TACR3: variants seen among roughly 807,000 people sequenced by gnomAD.
TACR3 encodes neuromedin-K receptor.
TACR3 carries 34 observed loss-of-function variants against 35.0 expected under a neutral mutation model. The ratio of observed to expected loss-of-function variants is 0.97; its 90% CI spans 0.74 to 1.30. The LOEUF is 1.30. TACR3 is among the 50% of genes most tolerant of loss of function. The pLI is 0.00. For synonymous variants in TACR3, 233 were observed against 221.1 expected (o/e 1.05, Z -0.48); for missense variants, 558 against 591.7 (o/e 0.94, Z 0.59).
chr4:103,632,985 TA>T (rs1317186507), intron 3 of TACR3, among the ~76,000 whole-genome samples: 3 of 151,770 alleles, frequency 2.0e-5, no homozygotes, highest in South Asian at 2.1e-4. Context: ...GTACATATTG[TA>T]AAAAAAAGAT....
intron 3 of TACR3, among the ~76,000 whole-genome samples, chr4:103,641,959 T>C (rs1328006324): frequency 6.6e-6 from 1 of 151,894 alleles, no homozygotes; most frequent in East Asian, 1.9e-4. Context: ...GAATGGTGGT[T>C]ACCAGAGGTG....
intron 3 of TACR3, among the ~76,000 whole-genome samples, chr4:103,631,273 C>G (rs143730886): frequency 6.4e-4 from 97 of 152,040 alleles, no homozygotes; most frequent in Middle Eastern, 6.8e-3. Context: ...ACATGTATAC[C>G]TGTGTATCAA....
At chr4:103,642,478 A>C (rs1304350804) in intron 3 of TACR3, among the ~76,000 whole-genome samples, 1 of 151,856 alleles carries the variant, frequency 6.6e-6, no homozygotes, top group East Asian at 1.9e-4. Flanking sequence ...TTCAGCCATT[A>C]AAAAAGAATG....
chr4:103,704,959 G>A (rs2110226442), intron 1 of TACR3, among the ~76,000 whole-genome samples: 1 of 152,250 alleles, frequency 6.6e-6, no homozygotes, highest in South Asian at 2.1e-4. Flanking sequence ...ATTCAAATAT[G>A]TAATTTTTTA....
At chr4:103,686,169 C>A in intron 1 of TACR3, among the ~76,000 whole-genome samples, 1 of 152,152 alleles carries the variant, frequency 6.6e-6, no homozygotes, top group East Asian at 1.9e-4. Flanking sequence ...AAGGCTGATG[C>A]ATGCACAGGG....
intron 3 of TACR3, among the ~76,000 whole-genome samples, chr4:103,599,411 T>C (rs1030875913): frequency 2.4e-4 from 36 of 152,202 alleles, no homozygotes; most frequent in African/African-American, 7.2e-4. Flanking sequence ...CAGAGACAAT[T>C]TGACTTCCTC....
At chr4:103,592,139 T>C (rs186230895) in intron 3 of TACR3, among the ~76,000 whole-genome samples, 98 of 152,302 alleles carry the variant, frequency 6.4e-4, no homozygotes, top group South Asian at 4.8e-3. Context: ...TTCTATAGCC[T>C]GACTATAGCT....
intron 4 of TACR3, 61 bp downstream of exon 4, chr4:103,591,426 T>G: frequency 6.3e-7 from 1 of 1,583,404 alleles, no homozygotes; most frequent in South Asian, 1.1e-5. Flanking sequence ...GGAACAACAT[T>G]GTATGTTTCC....
intron 3 of TACR3, among the ~76,000 whole-genome samples, chr4:103,622,827 C>T (rs1047080731): frequency 6.6e-6 from 1 of 152,116 alleles, no homozygotes; most frequent in Non-Finnish European, 1.5e-5. Flanking sequence ...AGTTATGGAG[C>T]TCAGTAGCAA....
Position 103,589,783 on chromosome 4 carries a change from C to T in TACR3, c.1297G>A (p.Asp433Asn), listed in dbSNP as rs1723852720. ...CGAGAGCAGCCATTGAAACTTGGGT[C>T]TCTTGGCGTTGCTCTTTTCTTCCGA... ...SSRKKRATPR[D>N]PSFNGCSRRN... is the part of the protein sequence containing the mutation. The change falls in exon 5 of 5, where the codon GAC (aspartate) becomes AAC (asparagine). Residue 433 changes from aspartate (D) to asparagine (N), a missense_variant. By Grantham distance (23) the Asp-to-Asn change is conservative (BLOSUM62 1). Transcript: ENST00000304883. 6.2e-7 allele frequency: 1 copy of T among 1,613,956 alleles called. No homozygotes were observed. The highest frequency in any genetic ancestry group is 1.7e-4 in the Middle Eastern group (1 of 6,060).
rs566622169 is a variant in TACR3, at chr4:103,637,159, C to G, written c.888+19035G>C. 2.6e-5 allele frequency among the ~76,000 whole-genome samples: 4 copies of G among 152,158 alleles called. No homozygotes were observed. The South Asian group carries it at 8.3e-4, about 32-fold the overall frequency. ...AAAAAAGAGAATTTTAGACCAATAT[C>G]CTTGATGAACATCGATGCAAAAATC... On this transcript the variant is annotated intron_variant, in intron 3 of 4. Transcript: ENST00000304883.
chr4:103,682,227 G>C (rs962939290), intron 1 of TACR3, among the ~76,000 whole-genome samples: 30 of 152,206 alleles, frequency 2.0e-4, no homozygotes, highest in African/African-American at 7.2e-4. Context: ...AAACTCCTAG[G>C]CTCAAGTGAT....
intron 3 of TACR3, among the ~76,000 whole-genome samples, chr4:103,645,187 G>A (rs1725432721): frequency 6.6e-6 from 1 of 151,878 alleles, no homozygotes; most frequent in Non-Finnish European, 1.5e-5. Flanking sequence ...ATGTGAAAAT[G>A]TGTACATATT....
intron 2 of TACR3, among the ~76,000 whole-genome samples, chr4:103,656,715 T>C (rs770856526): frequency 9.2e-5 from 14 of 151,952 alleles, no homozygotes; most frequent in Non-Finnish European, 4.4e-5. Flanking sequence ...AGGGAAGGGA[T>C]AGAATAAATG....
At chr4:103,598,856 G>C (rs1418821000) in intron 3 of TACR3, among the ~76,000 whole-genome samples, 1 of 152,184 alleles carries the variant, frequency 6.6e-6, no homozygotes, top group Non-Finnish European at 1.5e-5. Context: ...GGTTACTGTA[G>C]CCTTGTAGTA....
chr4:103,642,061 A>G (rs1725367847), intron 3 of TACR3, among the ~76,000 whole-genome samples: 1 of 151,906 alleles, frequency 6.6e-6, no homozygotes, highest in South Asian at 2.1e-4. Flanking sequence ...GAACAGCATG[A>G]TGACTATAGT....
chr4:103,693,196 A>G (rs1489822905), intron 1 of TACR3, among the ~76,000 whole-genome samples: 1 of 152,130 alleles, frequency 6.6e-6, no homozygotes, highest in African/African-American at 2.4e-5. Flanking sequence ...ATTTTACTGT[A>G]TGTCCTTTTG....
At chr4:103,680,383 A>C (rs1026002090) in intron 1 of TACR3, among the ~76,000 whole-genome samples, 1 of 151,304 alleles carries the variant, frequency 6.6e-6, no homozygotes, top group African/African-American at 2.4e-5. Context: ...CAGACCTAGT[A>C]AAAATCAAAC....
Position 103,627,790 on chromosome 4 carries a change from G to A in TACR3, c.888+28404C>T, listed in dbSNP as rs1016070328. ...ACTTGAACTCAGCTCTCCACCAAGC[G>A]GACCTAATAGACATCTGCATAACTC... On this transcript the variant is annotated intron_variant, in intron 3 of 4. Transcript: ENST00000304883. Among the ~76,000 whole-genome samples, 17 of 152,092 alleles carry A rather than the reference G, an allele frequency of 1.1e-4. 1 individual carries two copies. The highest frequency in any genetic ancestry group is 2.6e-4 in the Admixed American group (4 of 15,270).
Sources: allele counts gnomAD v4.1 joint callset (sites outside exome capture counted in the v4.1 genomes callset), GRCh38; gene constraint gnomAD v4.1.1; transcripts MANE v1.5; gene names NCBI Gene and HGNC (gene_info 2026-07-23, HGNC 2026-07-21).